Variants in USP7 observed in about 807,000 individuals in gnomAD.
The protein encoded by USP7 is ubiquitin C-terminal hydrolase 7.
Under a neutral mutation model 162.9 loss-of-function variants are expected in USP7, and 9 were observed. That is an observed-to-expected ratio of 0.06 (90% confidence interval 0.03 to 0.10). The LOEUF (loss-of-function observed/expected upper bound fraction) is 0.10, where lower values mean the gene tolerates loss of function less well. USP7 is among the 10% of genes least tolerant of loss of function. The pLI is 1.00. For synonymous variants in USP7, 562 were observed against 475.9 expected, an observed-to-expected ratio of 1.18 and a Z score of -2.35; for missense variants, 715 against 1,373.7, an observed-to-expected ratio of 0.52 and a Z score of 7.58.
chr16:8,905,614 T>C lies in USP7; in HGVS notation c.1429-283A>G, dbSNP rs142571297. On this transcript the variant is annotated intron_variant, in intron 13 of 30. Transcript: ENST00000344836. Reference sequence around the variant, plus strand: ...TGGCAATTTTTATAATCTACTGAAATAGCCCATTTTCCACTTACATTCAAT... The same window carrying C: ...TGGCAATTTTTATAATCTACTGAAACAGCCCATTTTCCACTTACATTCAAT... Among the ~76,000 whole-genome samples the C allele has an allele frequency of 5.6e-3, 858 of 152,310 alleles. 8 individuals are homozygous for C. Among genetic ancestry groups the C allele is most frequent in the African/African-American group, 0.019 (801 of 41,544 alleles).
intron 25 of USP7, 69 bp downstream of exon 25, chr16:8,898,291 C>A: frequency 7.7e-7 from 1 of 1,291,062 alleles, no homozygotes; most frequent in Non-Finnish European, 1.1e-6. Context: ...TTTTCAATGT[C>A]TGGGGACAGG....
In USP7 at chr16:8,903,268, C is replaced by T; in HGVS notation, c.1839G>A (p.Met613Ile). ...GTATATCCACGGGACCGGTACGCACCATGGTCTGAGAGAGGCTCTGAACAA... is the reference window on the plus strand; with the variant it reads ...GTATATCCACGGGACCGGTACGCACTATGGTCTGAGAGAGGCTCTGAACAA... The part of the protein sequence containing the change: ...AEFVQSLSQT[M>I]GFPQDQIRLW... The change falls in exon 16 of 31, where the codon ATG (methionine) becomes ATA (isoleucine). Residue 613 changes from methionine (M) to isoleucine (I), a missense_variant and splice_region_variant. Met to Ile is a conservative substitution (Grantham distance 10). Around this residue, in one of 11 missense-constraint regions of USP7, gnomAD observed 197 missense variants for 306.5 expected, o/e 0.64. Transcript: ENST00000344836. 6.2e-7 allele frequency: 1 copy of T among 1,613,246 alleles called. No individual in the cohort carries two copies. Among genetic ancestry groups the T allele is most frequent in the Non-Finnish European group, 8.5e-7 (1 of 1,179,664 alleles).
intron 1 of USP7, among the ~76,000 whole-genome samples, chr16:8,930,932 G>A (rs1211981990): frequency 3.3e-5 from 5 of 150,116 alleles, no homozygotes; most frequent in Non-Finnish European, 5.9e-5. Flanking sequence ...TCATGCCACT[G>A]CACTCCAGCC....
intron 1 of USP7, among the ~76,000 whole-genome samples, chr16:8,949,129 C>T (rs945150126): frequency 6.6e-6 from 1 of 152,156 alleles, no homozygotes; most frequent in Non-Finnish European, 1.5e-5. Context: ...ACCACTGAAC[C>T]CACTTTAAAT....
Position 8,893,950 on chromosome 16 carries a change from AG to A in USP7, c.*47del. On this transcript the variant is annotated 3_prime_UTR_variant, in exon 31 of 31. Transcript: ENST00000344836. ...CGTGCACCAAAGTTCTAGGCTGTTA[AG>A]GGGCCACCCACACACCGTCCTCGCC... 1 of 1,569,180 alleles carries A rather than the reference AG, an allele frequency of 6.4e-7. No homozygotes were observed. Among genetic ancestry groups the A allele is most frequent in the Non-Finnish European group, 8.8e-7 (1 of 1,138,962 alleles).
In USP7 at chr16:8,963,551, C is replaced by A; in HGVS notation, c.-266G>T. ...CGGCCGGCGGGCCGGGCCGGGCGGC[C>A]TCGTCGCTCGCTGCGGCCGCCGCCG... On this transcript the variant is annotated 5_prime_UTR_variant, in exon 1 of 31. The change creates a new upstream start codon in the 5' untranslated region. Coordinates refer to ENST00000344836, the MANE Select transcript of USP7 (RefSeq NM_003470.3). 1.2e-5 allele frequency: 1 copy of A among 82,408 alleles called. No homozygotes were observed. The highest frequency in any genetic ancestry group is 5.6e-4 in the South Asian group (1 of 1,784). 5.1% of individuals were successfully genotyped at this position (82,408 alleles called of 1,614,324 possible).
chr16:8,919,232 G>A (rs1260394969), intron 5 of USP7, 93 bp from the exon 6 acceptor site: 6 of 1,235,060 alleles, frequency 4.9e-6, no homozygotes, highest in Non-Finnish European at 7.1e-6. Flanking sequence ...TCAGCCTTAA[G>A]GAAACCGAGG....
At chr16:8,898,717 CA>C (rs2061726777) in intron 23 of USP7, 78 bp from the exon 24 acceptor site, 5 of 1,205,080 alleles carry the variant, frequency 4.1e-6, no homozygotes, top group Non-Finnish European at 5.8e-6. Flanking sequence ...AGCATAAAAG[CA>C]AACCGCTGGC....
At chr16:8,958,796 T>G (rs1052696864) in intron 1 of USP7, among the ~76,000 whole-genome samples, 16 of 152,212 alleles carry the variant, frequency 1.1e-4, no homozygotes, top group African/African-American at 3.9e-4. Flanking sequence ...TCCACTTGAC[T>G]TTTATCATAC....
intron 2 of USP7, among the ~76,000 whole-genome samples, chr16:8,924,709 T>C (rs1199102027): frequency 6.6e-6 from 1 of 152,278 alleles, no homozygotes; most frequent in Non-Finnish European, 1.5e-5. Flanking sequence ...GAGAATTTGC[T>C]TGAAGTTTCT....
At chr16:8,953,276 C>A (rs1161851429) in intron 1 of USP7, among the ~76,000 whole-genome samples, 5 of 152,116 alleles carry the variant, frequency 3.3e-5, no homozygotes, top group Non-Finnish European at 7.3e-5. Context: ...GTGTTCAGGG[C>A]TCCTTCACTT....
rs1423747578 is a variant in USP7, at chr16:8,904,627, C to T, written c.1574-62G>A. ...TGGACTTTCCCCTCTTAGAAGCTCCCGATTCTAGGTCATCATTAATAAAAT... is the reference window on the plus strand; with the variant it reads ...TGGACTTTCCCCTCTTAGAAGCTCCTGATTCTAGGTCATCATTAATAAAAT... On this transcript the variant is annotated intron_variant, in intron 14 of 30. Coordinates refer to ENST00000344836, the MANE Select transcript of USP7 (RefSeq NM_003470.3). 8 of 1,582,842 alleles carry T rather than the reference C, an allele frequency of 5.1e-6. No homozygotes were observed. The Admixed American group carries it at 5.4e-5, about 11-fold the overall frequency.
At chr16:8,946,050 A>G (rs1002940362) in intron 1 of USP7, among the ~76,000 whole-genome samples, 1 of 152,188 alleles carries the variant, frequency 6.6e-6, no homozygotes, top group Non-Finnish European at 1.5e-5. Flanking sequence ...AAAGGTACAA[A>G]AGCAATTCAA....
intron 27 of USP7, 72 bp downstream of exon 27, chr16:8,895,570 T>G: frequency 8.0e-7 from 1 of 1,243,250 alleles, no homozygotes; most frequent in Non-Finnish European, 1.2e-6. Flanking sequence ...TACAACTTGC[T>G]GTGATATTTA....
At chr16:8,943,211 G>A (rs1473659910) in intron 1 of USP7, among the ~76,000 whole-genome samples, 1 of 152,140 alleles carries the variant, frequency 6.6e-6, no homozygotes, top group Non-Finnish European at 1.5e-5. Flanking sequence ...GTTCCCTAGA[G>A]ATCATCCTAA....
intron 1 of USP7, among the ~76,000 whole-genome samples, chr16:8,946,964 T>C (rs1567244100): frequency 6.6e-6 from 1 of 152,218 alleles, no homozygotes; most frequent in Non-Finnish European, 1.5e-5. Context: ...CCACTGAAAG[T>C]GCATGACGAA....
rs141782199 is a variant in USP7 at position 8,907,061 on chromosome 16, G to T, written c.1272-479C>A. On this transcript the variant is annotated intron_variant, in intron 12 of 30. Coordinates refer to ENST00000344836, the MANE Select transcript of USP7 (RefSeq NM_003470.3). ...ACAGAGGCAGGAAGGCAAGTTAGAC[G>T]GGTGGGGGCTGGTCTCAAGCACAGC... Among the ~76,000 whole-genome samples the T allele has an allele frequency of 3.2e-3, 490 of 152,278 alleles. 2 individuals carry two copies. Among genetic ancestry groups the T allele is most frequent in the African/African-American group, 0.011 (463 of 41,550 alleles).
In USP7 at chr16:8,963,361, GGGC is replaced by G. The variant is rs920151583; in HGVS notation, c.-79_-77del. 7.6e-4 allele frequency: 340 copies of G among 447,970 alleles called. No individual in the cohort carries two copies. Among genetic ancestry groups the G allele is most frequent in the South Asian group, 2.0e-3 (22 of 11,252 alleles). 27.7% of individuals were successfully genotyped at this position (447,970 alleles called of 1,614,324 possible). ...CCGGCGGGCGGGCGGCGGCGAGCCG[GGGC>G]GGCGGCGGCGGCGGCGGCGGCGGGG... On this transcript the variant is annotated 5_prime_UTR_variant, in exon 1 of 31. Coordinates refer to ENST00000344836, the MANE Select transcript of USP7 (RefSeq NM_003470.3).
At chr16:8,948,646 T>C (rs2141258536) in intron 1 of USP7, among the ~76,000 whole-genome samples, 1 of 152,352 alleles carries the variant, frequency 6.6e-6, no homozygotes, top group Admixed American at 6.5e-5. Flanking sequence ...TGGAATATTA[T>C]TCTGCGAGAA....
Sources: gnomAD v4.1 joint callset for allele counts (sites outside exome capture counted in the v4.1 genomes callset) on GRCh38, gnomAD v4.1.1 for gene constraint, gnomAD v4.1.1 regional missense constraint, MANE v1.5 for transcripts, NCBI Gene and HGNC (gene_info 2026-07-23, HGNC 2026-07-21) for gene names.